Variants in ZNF804B observed in about 807,000 individuals in gnomAD.
ZNF804B encodes the protein zinc finger 804B.
A neutral mutation model predicts 101.4 loss-of-function variants in ZNF804B; 80 were observed. The ratio of observed to expected loss-of-function variants is 0.79; its 90% CI spans 0.66 to 0.95. The LOEUF (loss-of-function observed/expected upper bound fraction) is 0.95, where lower values mean the gene tolerates loss of function less well. Ranked by LOEUF, ZNF804B falls within the 40% of genes least tolerant of loss-of-function variation. The probability of loss-of-function intolerance (pLI) is 0.00; values close to 1 mark genes in which losing one functional copy is unlikely to be tolerated. For missense variants in ZNF804B, 1,673 were observed against 1,561.9 expected (o/e 1.07, Z -1.20); for synonymous variants, 622 against 558.8 (o/e 1.11, Z -1.59).
chr7:88,915,814 T>G (rs1792624878), intron 1 of ZNF804B, among the ~76,000 whole-genome samples: 1 of 151,804 alleles, frequency 6.6e-6, no homozygotes, highest in African/African-American at 2.4e-5. Flanking sequence ...TTTGCTGACA[T>G]TATAGTTTTA....
At chr7:89,235,061 A>T (rs1789259637) in intron 2 of ZNF804B, among the ~76,000 whole-genome samples, 1 of 152,170 alleles carries the variant, frequency 6.6e-6, no homozygotes, top group Non-Finnish European at 1.5e-5. Flanking sequence ...CTTCTATAGT[A>T]AAAATATATT....
At chr7:89,014,898 G>A (rs912754754) in intron 1 of ZNF804B, among the ~76,000 whole-genome samples, 1 of 152,116 alleles carries the variant, frequency 6.6e-6, no homozygotes, top group Non-Finnish European at 1.5e-5. Flanking sequence ...CTGTTCTTCT[G>A]AGACCTTATT....
chr7:89,061,278 T>A (rs1273102827), intron 1 of ZNF804B, among the ~76,000 whole-genome samples: 1 of 152,238 alleles, frequency 6.6e-6, no homozygotes, highest in Non-Finnish European at 1.5e-5. Flanking sequence ...AATAATTTTT[T>A]AAAAATGTCC....
At chr7:89,015,307 C>CT (rs1026927722) in intron 1 of ZNF804B, among the ~76,000 whole-genome samples, 16 of 148,044 alleles carry the variant, frequency 1.1e-4, no homozygotes, top group African/African-American at 3.2e-4. Flanking sequence ...TTTCTTTTTT[C>CT]TTTTTTTTTA....
At chr7:89,271,317 G>A (rs1161734489) in intron 2 of ZNF804B, among the ~76,000 whole-genome samples, 7 of 152,218 alleles carry the variant, frequency 4.6e-5, no homozygotes, top group Non-Finnish European at 1.0e-4. Flanking sequence ...TGCATCTATT[G>A]AGATAATCAT....
chr7:89,190,552 T>C (rs1189894998), intron 1 of ZNF804B, among the ~76,000 whole-genome samples: 6 of 152,228 alleles, frequency 3.9e-5, no homozygotes, highest in Middle Eastern at 6.8e-3. Context: ...GAATATTACA[T>C]AAACTTAGTT....
At chr7:89,120,657 C>CAAAAAAAAAAAA (rs10636811) in intron 1 of ZNF804B, among the ~76,000 whole-genome samples, 1 of 103,328 alleles carries the variant, frequency 9.7e-6, no homozygotes, top group African/African-American at 4.1e-5. Flanking sequence ...GACTCCGCCT[C>CAAAAAAAAAAAA]AAAAAAAAAA....
chr7:89,335,284 G>C lies in ZNF804B; in HGVS notation c.2302G>C (p.Asp768His), dbSNP rs755516468. The change falls in exon 4 of 4, where the codon GAT (aspartate) becomes CAT (histidine). Residue 768 changes from aspartate to histidine, a missense_variant. Transcript: ENST00000333190. ...GCACAACTGCTTCTACTTGTCTGAT[G>C]ATATAACAAAGAGCAGCCAAATGCA... ...LKHNCFYLSD[D>H]ITKSSQMQSE... 2.5e-6 allele frequency: 4 copies of C among 1,613,678 alleles called. No individual in the cohort carries two copies. In the East Asian group the frequency reaches 8.9e-5, roughly 36 times the overall value.
At position 89,052,686 on chromosome 7, in the gene ZNF804B, C is replaced by T. The variant is rs183541405; in HGVS notation, c.109-165469C>T. ...GGAAGCACAGAACTCAAACCTCGTA[C>T]ACAAGGAACCCATCTTACTATGGCT... On this transcript the variant is annotated intron_variant, in intron 1 of 3. Coordinates refer to ENST00000333190, the MANE Select transcript of ZNF804B (RefSeq NM_181646.5). Among the ~76,000 whole-genome samples the T allele has an allele frequency of 5.1e-3, 784 of 152,252 alleles. 10 individuals carry two copies. Among genetic ancestry groups the T allele is most frequent in the South Asian group, 0.046 (224 of 4,824 alleles).
chr7:89,046,341 TG>T (rs773804742), intron 1 of ZNF804B, among the ~76,000 whole-genome samples: 13 of 152,184 alleles, frequency 8.5e-5, no homozygotes, highest in Non-Finnish European at 1.9e-4. Context: ...TAAAATAGAA[TG>T]CTGCTGTATT....
intron 1 of ZNF804B, among the ~76,000 whole-genome samples, chr7:89,022,513 A>C (rs977266708): frequency 3.3e-5 from 5 of 152,064 alleles, no homozygotes; most frequent in African/African-American, 9.7e-5. Context: ...CTAAAATTTC[A>C]AATTGTTTAT....
chr7:89,250,250 G>A lies in ZNF804B; in HGVS notation c.249+31955G>A, dbSNP rs181498083. 4.9e-4 allele frequency among the ~76,000 whole-genome samples: 75 copies of A among 151,772 alleles called. 1 individual carries two copies. The East Asian group carries it at 9.1e-3, about 18-fold the overall frequency. ...ATAAGCACAATCGGAAATGACAAAC[G>A]TGATGTTACAATTGATTCCACAGAT... On this transcript the variant is annotated intron_variant, in intron 2 of 3. Coordinates refer to ENST00000333190, the MANE Select transcript of ZNF804B (RefSeq NM_181646.5).
intron 1 of ZNF804B, among the ~76,000 whole-genome samples, chr7:88,938,706 A>C (rs976859265): frequency 2.6e-5 from 4 of 152,056 alleles, no homozygotes; most frequent in African/African-American, 9.7e-5. Context: ...TCATCAGCAA[A>C]ACAGGAGGAA....
At chr7:89,011,170 CTT>C (rs1788455915) in intron 1 of ZNF804B, among the ~76,000 whole-genome samples, 1 of 152,064 alleles carries the variant, frequency 6.6e-6, no homozygotes. Context: ...ATGTCAGACA[CTT>C]ATAGAACTAT....
chr7:89,227,214 C>T (rs913941542), intron 2 of ZNF804B, among the ~76,000 whole-genome samples: 2 of 152,124 alleles, frequency 1.3e-5, no homozygotes, highest in Admixed American at 6.5e-5. Flanking sequence ...TTTGGGGATC[C>T]TTGTCTATCA....
intron 1 of ZNF804B, among the ~76,000 whole-genome samples, chr7:89,032,065 A>G (rs951887230): frequency 6.6e-5 from 10 of 152,138 alleles, no homozygotes; most frequent in African/African-American, 1.4e-4. Flanking sequence ...AATAAATGAT[A>G]TATCAGCTCA....
At chr7:88,766,682 T>C (rs1394562827) in intron 1 of ZNF804B, among the ~76,000 whole-genome samples, 1 of 152,206 alleles carries the variant, frequency 6.6e-6, no homozygotes, top group Non-Finnish European at 1.5e-5. Context: ...TGACTCTCGT[T>C]ATTTTTACAT....
chr7:88,830,730 T>C (rs1033340542), intron 1 of ZNF804B, among the ~76,000 whole-genome samples: 9 of 151,994 alleles, frequency 5.9e-5, no homozygotes, highest in Admixed American at 4.6e-4. Context: ...AGTTTTTATG[T>C]ATGCCCCTTT....
intron 1 of ZNF804B, among the ~76,000 whole-genome samples, chr7:88,915,225 T>C (rs1463134667): frequency 6.6e-6 from 1 of 152,098 alleles, no homozygotes; most frequent in Non-Finnish European, 1.5e-5. Flanking sequence ...ATAGAAACAT[T>C]TTTCAGATAA....
Sources: gnomAD v4.1 joint callset for allele counts (sites outside exome capture counted in the v4.1 genomes callset) on GRCh38, gnomAD v4.1.1 for gene constraint, MANE v1.5 for transcripts, NCBI Gene and HGNC (gene_info 2026-07-23, HGNC 2026-07-21) for gene names.